Variants in PDCD2L observed in about 807,000 individuals in gnomAD.
PDCD2L encodes programmed cell death 2 like, also known as uS5 assembly chaperone PDCD2L.
A neutral mutation model predicts 40.4 loss-of-function variants in PDCD2L; 44 were observed. The observed-to-expected ratio is 1.09, with a 90% CI of 0.86 to 1.40. PDCD2L has a LOEUF of 1.40. PDCD2L is among the 40% of genes most tolerant of loss of function. The pLI is 0.00. For missense variants in PDCD2L, 470 were observed against 453.7 expected (o/e 1.04, Z -0.33); for synonymous variants, 194 against 174.6 (o/e 1.11, Z -0.88).
At chr19:34,412,055 C>T (rs1025315406) in intron 4 of PDCD2L, among the ~76,000 whole-genome samples, 5 of 149,648 alleles carry the variant, frequency 3.3e-5, no homozygotes, top group Non-Finnish European at 5.9e-5. Flanking sequence ...GAATCTCGCT[C>T]TGTTGCCAGG....
Position 34,404,997 on chromosome 19 carries a change from G to T in PDCD2L, c.336+7G>T. On this transcript the variant is annotated splice_region_variant and intron_variant, in intron 3 of 6. Coordinates refer to ENST00000246535, the MANE Select transcript of PDCD2L (RefSeq NM_032346.2). ...AGAGGCGCAGGACGCTCAGGTAAAG[G>T]TTGTGATTGGCATGTTATTGTTTTT... 1 of 1,614,070 alleles carries T rather than the reference G, an allele frequency of 6.2e-7. No individual in the cohort carries two copies. Among genetic ancestry groups the T allele is most frequent in the Admixed American group, 1.7e-5 (1 of 60,006 alleles).
chr19:34,410,363 T>G (rs2075096443), intron 4 of PDCD2L, among the ~76,000 whole-genome samples: 1 of 152,178 alleles, frequency 6.6e-6, no homozygotes, highest in Non-Finnish European at 1.5e-5. Context: ...GCAGTTCTCC[T>G]ACCTCAGCCT....
At chr19:34,415,997 T>C (rs1327293748) in intron 5 of PDCD2L, among the ~76,000 whole-genome samples, 1 of 152,244 alleles carries the variant, frequency 6.6e-6, no homozygotes, top group African/African-American at 2.4e-5. Context: ...CTCAGCTCAC[T>C]GCAACCTCCA....
In PDCD2L at chr19:34,404,663, C is replaced by T. The variant is rs780901338; in HGVS notation, c.123C>T (p.Thr41=). Residue 41 remains threonine, a synonymous_variant, in exon 2 of 7, where the codon ACC becomes ACT. Coordinates refer to ENST00000246535, the MANE Select transcript of PDCD2L (RefSeq NM_032346.2). ...TGTCCCCTCAGGATGCTCTGCCCAC[C>T]GTGGCTGCGCCCAGGCCCGTGTGTC... is the stretch of plus-strand genomic sequence containing the variant. ...KLGGIPDALP[T]VAAPRPVCQR... 20 of 1,611,102 alleles carry T rather than the reference C, an allele frequency of 1.2e-5. 1 individual carries two copies. In the Admixed American group the frequency reaches 3.3e-4, roughly 27 times the overall value.
intron 5 of PDCD2L, among the ~76,000 whole-genome samples, chr19:34,421,083 G>A (rs561126141): frequency 6.6e-6 from 1 of 152,056 alleles, no homozygotes; most frequent in African/African-American, 2.4e-5. Context: ...GAGATCAGGT[G>A]GTAATGCTCG....
intron 5 of PDCD2L, among the ~76,000 whole-genome samples, chr19:34,419,297 A>G (rs796454300): frequency 8.6e-5 from 13 of 151,958 alleles, no homozygotes; most frequent in African/African-American, 3.1e-4. Context: ...AGTAGCTGGG[A>G]TTACTGGTGC....
intron 6 of PDCD2L, among the ~76,000 whole-genome samples, chr19:34,423,369 A>C (rs552800367): frequency 6.6e-6 from 1 of 151,208 alleles, no homozygotes; most frequent in Admixed American, 6.6e-5. Flanking sequence ...TTTTTGGTAG[A>C]AACAGGTTTC....
intron 6 of PDCD2L, among the ~76,000 whole-genome samples, chr19:34,425,386 T>C (rs2075172543): frequency 6.6e-6 from 1 of 151,700 alleles, no homozygotes; most frequent in South Asian, 2.1e-4. Flanking sequence ...TTGCAGCCTT[T>C]ATCTCCTGGG....
intron 4 of PDCD2L, among the ~76,000 whole-genome samples, chr19:34,411,663 T>G (rs2075104057): frequency 6.6e-6 from 1 of 152,078 alleles, no homozygotes; most frequent in Non-Finnish European, 1.5e-5. Flanking sequence ...AAAAAATTTT[T>G]GGTTTTTTTG....
At chr19:34,409,815 G>A (rs1333349175) in intron 4 of PDCD2L, among the ~76,000 whole-genome samples, 1 of 152,174 alleles carries the variant, frequency 6.6e-6, no homozygotes, top group African/African-American at 2.4e-5. Flanking sequence ...AGCAGAGACA[G>A]GCAAGTTAGA....
chr19:34,422,909 G>A (rs187705329), intron 6 of PDCD2L, among the ~76,000 whole-genome samples: 6 of 151,752 alleles, frequency 4.0e-5, no homozygotes, highest in East Asian at 3.9e-4. Flanking sequence ...TAGTAGAGAC[G>A]GGGTTTCACT....
chr19:34,421,557 C>T lies in PDCD2L; in HGVS notation c.836C>T (p.Pro279Leu), dbSNP rs1190417261. ...WSGEPLFLTCPTSEVTELPAC... is the reference protein window; with the variant it reads ...WSGEPLFLTCLTSEVTELPAC... ...GGAGAGCCACTCTTTTTGACCTGCC[C>T]TACATCAGAAGTCACCGAGCTCCCA... The change falls in exon 6 of 7, where the codon CCT (proline) becomes CTT (leucine). Residue 279 changes from proline to leucine, a missense_variant. Transcript: ENST00000246535. 9.9e-6 allele frequency: 16 copies of T among 1,613,912 alleles called. No individual in the cohort carries two copies. Among genetic ancestry groups the T allele is most frequent in the Admixed American group, 6.7e-5 (4 of 59,966 alleles).
chr19:34,411,031 C>T (rs1201138918), intron 4 of PDCD2L, among the ~76,000 whole-genome samples: 1 of 151,834 alleles, frequency 6.6e-6, no homozygotes, highest in Admixed American at 6.6e-5. Context: ...GATCCACCTG[C>T]CTTGGCCTCC....
Position 34,409,268 on chromosome 19 carries a change from T to C in PDCD2L, c.444T>C (p.Asn148=). The C allele has an allele frequency of 1.9e-6, 3 of 1,614,184 alleles. No individual in the cohort carries two copies. Among genetic ancestry groups the C allele is most frequent in the Non-Finnish European group, 2.5e-6 (3 of 1,180,048 alleles). ...PSPQFTLDFG[N]DASSAKDVDW... is the part of the protein sequence containing the mutation. Reference sequence around the variant, plus strand: ...CACAGTTTACCTTGGATTTTGGGAATGATGCCAGCAGTGCCAAAGACGTAG... The same window carrying C: ...CACAGTTTACCTTGGATTTTGGGAACGATGCCAGCAGTGCCAAAGACGTAG... The change falls in exon 4 of 7, where the codon AAT becomes AAC. Residue 148 remains asparagine, a synonymous_variant. Coordinates refer to ENST00000246535, the MANE Select transcript of PDCD2L (RefSeq NM_032346.2).
At chr19:34,422,528 TC>T (rs901298371) in intron 6 of PDCD2L, among the ~76,000 whole-genome samples, 9 of 152,106 alleles carry the variant, frequency 5.9e-5, no homozygotes, top group African/African-American at 2.2e-4. Flanking sequence ...TAACCATTAT[TC>T]CAACAATCAT....
chr19:34,422,273 T>C (rs62123392), intron 6 of PDCD2L: 118,408 of 151,102 alleles, frequency 0.78, 47,531 homozygotes, highest in Non-Finnish European at 0.88. Flanking sequence ...TCAGCCTCCC[T>C]AGTAGCTGGG....
chr19:34,419,987 A>G (rs2075142962), intron 5 of PDCD2L, among the ~76,000 whole-genome samples: 3 of 150,622 alleles, frequency 2.0e-5, no homozygotes, highest in Non-Finnish European at 4.4e-5. Context: ...TAATTTTTGT[A>G]TTATTATTAT....
chr19:34,406,122 A>T (rs2075074025), intron 3 of PDCD2L, among the ~76,000 whole-genome samples: 1 of 152,218 alleles, frequency 6.6e-6, no homozygotes, highest in African/African-American at 2.4e-5. Flanking sequence ...GGCCTGGGCC[A>T]CAAAGCCAGA....
chr19:34,404,995 A>G lies in PDCD2L; in HGVS notation c.336+5A>G. On this transcript the variant is annotated splice_donor_5th_base_variant and intron_variant, in intron 3 of 6. Transcript: ENST00000246535. ...AGAGAGGCGCAGGACGCTCAGGTAA[A>G]GGTTGTGATTGGCATGTTATTGTTT... 6.2e-7 allele frequency: 1 copy of G among 1,614,012 alleles called. No individual in the cohort carries two copies. The highest frequency in any genetic ancestry group is 1.1e-5 in the South Asian group (1 of 91,068).
Sources: gnomAD v4.1 joint callset for allele counts (sites outside exome capture counted in the v4.1 genomes callset) on GRCh38, gnomAD v4.1.1 for gene constraint, MANE v1.5 for transcripts, NCBI Gene and HGNC (gene_info 2026-07-23, HGNC 2026-07-21) for gene names.